The following BCAR3 variants were observed in gnomAD, a reference collection of about 807,000 sequenced individuals.
The protein encoded by BCAR3 is breast cancer anti-estrogen resistance protein 3.
BCAR3 carries 37 observed loss-of-function variants against 80.1 expected under a neutral mutation model. That is an observed-to-expected ratio of 0.46 (90% confidence interval 0.36 to 0.61). The LOEUF is 0.61. BCAR3 is among the 20% of genes least tolerant of loss of function. The probability of loss-of-function intolerance (pLI) is 0.00; values close to 1 mark genes in which losing one functional copy is unlikely to be tolerated. For synonymous variants in BCAR3, 389 were observed against 418.9 expected, an observed-to-expected ratio of 0.93 and a Z score of 0.87; for missense variants, 978 against 1,068.2, an observed-to-expected ratio of 0.92 and a Z score of 1.18.
At chr1:93,690,180 T>C (rs1158655386) in intron 3 of BCAR3, among the ~76,000 whole-genome samples, 2 of 152,258 alleles carry the variant, frequency 1.3e-5, no homozygotes, top group African/African-American at 2.4e-5. Flanking sequence ...TGTAATTGTG[T>C]GCATTTGTGT....
Position 93,640,360 on chromosome 1 carries a change from C to T in BCAR3, c.357+1944G>A, listed in dbSNP as rs189958235. ...ATAGAGGCAAATGAAAATACATACC[C>T]TACATTGGCTCAACACATTCCCAAA... On this transcript the variant is annotated intron_variant, in intron 3 of 11. Transcript: ENST00000260502. Among the ~76,000 whole-genome samples, 515 of 152,168 alleles carry T rather than the reference C, an allele frequency of 3.4e-3. 2 individuals are homozygous for T. The highest frequency in any genetic ancestry group is 5.9e-3 in the Non-Finnish European group (400 of 67,984).
At position 93,726,294 on chromosome 1, in the gene BCAR3, G is replaced by C. The variant is rs1196038076; in HGVS notation, c.-62-20152C>G. ...CATTATGTTGCCAAGGCTGGTCTCA[G>C]ACTTCTGGGTTCAAGCAATCCTCCC... is the stretch of plus-strand genomic sequence containing the variant. On this transcript the variant is annotated intron_variant, in intron 2 of 13. Coordinates refer to the BCAR3 transcript ENST00000370244. 4.6e-5 allele frequency among the ~76,000 whole-genome samples: 7 copies of C among 152,020 alleles called. No individual in the cohort carries two copies. In the South Asian group the frequency reaches 8.3e-4, roughly 18 times the overall value.
intron 3 of BCAR3, among the ~76,000 whole-genome samples, chr1:93,631,058 T>C (rs1675604459): frequency 6.6e-6 from 1 of 152,192 alleles, no homozygotes; most frequent in African/African-American, 2.4e-5. Context: ...AGGCTAAAAA[T>C]CCTATATAAA....
At chr1:93,823,931 C>T (rs1216501786) in intron 2 of BCAR3, among the ~76,000 whole-genome samples, 1 of 133,414 alleles carries the variant, frequency 7.5e-6, no homozygotes, top group African/African-American at 2.5e-5. Context: ...ATCTCCTGAC[C>T]TCGTGATCCA....
chr1:93,656,662 T>C (rs1328717174), intron 2 of BCAR3, among the ~76,000 whole-genome samples: 2 of 151,586 alleles, frequency 1.3e-5, no homozygotes, highest in African/African-American at 4.9e-5. Context: ...TAAAGTACAG[T>C]GCACAGTCAT....
intron 2 of BCAR3, among the ~76,000 whole-genome samples, chr1:93,652,603 C>G (rs982665624): frequency 6.6e-6 from 1 of 151,946 alleles, no homozygotes; most frequent in African/African-American, 2.4e-5. Context: ...CACTAGAAAA[C>G]AAACAGAGAA....
At chr1:93,574,679 G>A (rs1297927130) in intron 8 of BCAR3, among the ~76,000 whole-genome samples, 2 of 152,164 alleles carry the variant, frequency 1.3e-5, no homozygotes, top group Non-Finnish European at 2.9e-5. Flanking sequence ...GGCAAAGTGT[G>A]GTGGCACAGC....
Position 93,671,196 on chromosome 1 carries a change from T to C in BCAR3, c.317+3418A>G, listed in dbSNP as rs35492476. On this transcript the variant is annotated intron_variant, in intron 2 of 11. Coordinates refer to ENST00000260502, the MANE Select transcript of BCAR3 (RefSeq NM_003567.4). Reference sequence around the variant, plus strand: ...TTTTAGTAGAGATGGGGTTTCGTCATGTTGGCCAGGATGGTCTCGAACTCC... The same window carrying C: ...TTTTAGTAGAGATGGGGTTTCGTCACGTTGGCCAGGATGGTCTCGAACTCC... 6.3e-3 allele frequency among the ~76,000 whole-genome samples: 952 copies of C among 152,290 alleles called. 6 individuals are homozygous for C. Among genetic ancestry groups the C allele is most frequent in the Middle Eastern group, 0.031 (9 of 294 alleles).
At position 93,750,844 on chromosome 1, in the gene BCAR3, T is replaced by C. The variant is rs191188640; in HGVS notation, c.-62-44702A>G. On this transcript the variant is annotated intron_variant, in intron 2 of 13. Coordinates refer to the BCAR3 transcript ENST00000370244. ...CCAACAGTCAAGATACCCTGGATCT[T>C]TACCCTTCCCAGATGATGCCCCAGA... Among the ~76,000 whole-genome samples the C allele has an allele frequency of 1.7e-4, 26 of 152,326 alleles. No homozygotes were observed. The East Asian group carries it at 5.0e-3, about 29-fold the overall frequency.
chr1:93,826,530 G>A (rs191431692), intron 2 of BCAR3, among the ~76,000 whole-genome samples: 92 of 152,124 alleles, frequency 6.0e-4, no homozygotes, highest in South Asian at 3.1e-3. Flanking sequence ...ATTCATCCAC[G>A]TATTCATTCA....
intron 2 of BCAR3, among the ~76,000 whole-genome samples, chr1:93,831,651 C>T (rs1350632403): frequency 2.0e-5 from 3 of 152,094 alleles, no homozygotes; most frequent in Admixed American, 6.6e-5. Flanking sequence ...GCTCTGACTC[C>T]TTTGAATCCT....
At chr1:93,703,119 C>T (rs1649706819) in intron 3 of BCAR3, among the ~76,000 whole-genome samples, 1 of 152,198 alleles carries the variant, frequency 6.6e-6, no homozygotes, top group Admixed American at 6.5e-5. Context: ...TGTGATCAGG[C>T]CAGGCCCTCC....
chr1:93,806,768 T>G (rs985605277), intron 2 of BCAR3, among the ~76,000 whole-genome samples: 2 of 152,206 alleles, frequency 1.3e-5, no homozygotes, highest in South Asian at 4.1e-4. Flanking sequence ...GCACTCATAA[T>G]GTCAAAGCAT....
At chr1:93,611,852 G>A (rs181171297) in intron 3 of BCAR3, among the ~76,000 whole-genome samples, 2 of 152,304 alleles carry the variant, frequency 1.3e-5, no homozygotes, top group African/African-American at 2.4e-5. Context: ...ATATGGATTA[G>A]ACCAAATGGA....
At chr1:93,671,153 CAGCTA>C (rs1377567350) in intron 2 of BCAR3, among the ~76,000 whole-genome samples, 1 of 152,024 alleles carries the variant, frequency 6.6e-6, no homozygotes, top group Admixed American at 6.6e-5. Flanking sequence ...CCAATATGCC[CAGCTA>C]ATTTTTTTGT....
At chr1:93,624,591 A>C (rs1378999240) in intron 3 of BCAR3, among the ~76,000 whole-genome samples, 1 of 152,120 alleles carries the variant, frequency 6.6e-6, no homozygotes, top group Admixed American at 6.5e-5. Context: ...TGGCCTCATG[A>C]CCCATGTCTT....
intron 2 of BCAR3, among the ~76,000 whole-genome samples, chr1:93,835,805 C>T (rs920507223): frequency 6.6e-6 from 1 of 152,170 alleles, no homozygotes; most frequent in African/African-American, 2.4e-5. Flanking sequence ...AACTAAAATA[C>T]CTCTTGGTCT....
intron 2 of BCAR3, among the ~76,000 whole-genome samples, chr1:93,770,633 A>T (rs912822637): frequency 6.6e-6 from 1 of 152,198 alleles, no homozygotes; most frequent in Non-Finnish European, 1.5e-5. Flanking sequence ...GGTGGGTAGA[A>T]AATACCTATA....
chr1:93,623,360 T>C (rs141688788), intron 3 of BCAR3, among the ~76,000 whole-genome samples: 341 of 152,178 alleles, frequency 2.2e-3, no homozygotes, highest in Middle Eastern at 6.8e-3. Flanking sequence ...CTGAGTAGCA[T>C]GTGTATTCAT....
Sources: gnomAD v4.1 joint callset for allele counts (sites outside exome capture counted in the v4.1 genomes callset) on GRCh38, gnomAD v4.1.1 for gene constraint, MANE v1.5 for transcripts, NCBI Gene and HGNC (gene_info 2026-07-23, HGNC 2026-07-21) for gene names.